Variants in PARPBP observed in about 807,000 individuals in gnomAD.
PARPBP encodes the protein PCNA-interacting partner.
Under a neutral mutation model 50.0 loss-of-function variants are expected in PARPBP, and 52 were observed. The ratio of observed to expected loss-of-function variants is 1.04; its 90% CI spans 0.83 to 1.31. The LOEUF is 1.31. PARPBP is among the 50% of genes most tolerant of loss of function. The pLI is 0.00. For synonymous variants in PARPBP, 244 were observed against 232.1 expected, an observed-to-expected ratio of 1.05 and a Z score of -0.47; for missense variants, 697 against 672.0, an observed-to-expected ratio of 1.04 and a Z score of -0.41.
At chr12:102,131,145 T>C (rs1391622204) in intron 2 of PARPBP, among the ~76,000 whole-genome samples, 1 of 152,076 alleles carries the variant, frequency 6.6e-6, no homozygotes, top group East Asian at 1.9e-4. Flanking sequence ...GCCAACATGG[T>C]GAAACCCCAT....
intron 6 of PARPBP, among the ~76,000 whole-genome samples, chr12:102,169,337 T>A (rs1011165569): frequency 1.3e-5 from 2 of 152,140 alleles, no homozygotes; most frequent in Non-Finnish European, 2.9e-5. Flanking sequence ...AATTCGAACC[T>A]CTTTCCTGAG....
chr12:102,165,630 C>A, intron 5 of PARPBP, 99 bp from the exon 6 acceptor site: 2 of 930,030 alleles, frequency 2.2e-6, no homozygotes, highest in South Asian at 1.5e-5. Flanking sequence ...TCACTTTTAA[C>A]TGTATACCCA....
rs576119191 is a variant in PARPBP, at chr12:102,158,583, A to T, written c.495+4607A>T. 9.9e-5 allele frequency among the ~76,000 whole-genome samples: 15 copies of T among 151,976 alleles called. 1 individual carries two copies. The highest frequency in any genetic ancestry group is 7.8e-4 in the East Asian group (4 of 5,132). ...ACCTGGTTCCTTTTAGAGATTTGTA[A>T]CTATTTTCTCTTGCTTGAAATTAAT... On this transcript the variant is annotated intron_variant, in intron 4 of 10. Transcript: ENST00000327680.
chr12:102,156,277 C>A (rs1594542197), intron 4 of PARPBP, among the ~76,000 whole-genome samples: 2 of 149,202 alleles, frequency 1.3e-5, no homozygotes, highest in East Asian at 3.9e-4. Context: ...AGCTCCGCCT[C>A]CCGTGTTCAT....
At chr12:102,134,716 C>T (rs369062144) in intron 2 of PARPBP, among the ~76,000 whole-genome samples, 74 of 152,254 alleles carry the variant, frequency 4.9e-4, no homozygotes, top group African/African-American at 1.6e-3. Flanking sequence ...CTCACTCTGT[C>T]GCCCAGGCTG....
chr12:102,155,944 C>T (rs935274941), intron 4 of PARPBP, among the ~76,000 whole-genome samples: 9 of 152,128 alleles, frequency 5.9e-5, no homozygotes, highest in South Asian at 2.1e-4. Context: ...GAACACTAGT[C>T]GCTGGGTTCC....
Position 102,195,198 on chromosome 12 carries a change from G to C in PARPBP, c.1264-114G>C, listed in dbSNP as rs1239382414. The stretch of plus-strand genomic sequence containing the variant: ...AGAGAGAGGTTCTCAATGAGTAATA[G>C]AATTTCTAAGGGAAATTTTTATACC... On this transcript the variant is annotated intron_variant, in intron 9 of 10. Coordinates refer to ENST00000327680, the MANE Select transcript of PARPBP (RefSeq NM_017915.5). 8.5e-6 allele frequency: 5 copies of C among 585,942 alleles called. No individual in the cohort carries two copies. In the African/African-American group the frequency reaches 9.7e-5, roughly 11 times the overall value. The allele number at this position is 585,942 out of a possible 1,614,324, so 36.3% of individuals were successfully genotyped here.
At chr12:102,138,452 G>GACA in intron 2 of PARPBP, among the ~76,000 whole-genome samples, 3 of 152,084 alleles carry the variant, frequency 2.0e-5, no homozygotes, top group African/African-American at 7.2e-5. Flanking sequence ...CCATTCTGTA[G>GACA]GTTGCCTGTT....
At chr12:102,174,219 T>C (rs1349933247) in intron 6 of PARPBP, among the ~76,000 whole-genome samples, 1 of 152,046 alleles carries the variant, frequency 6.6e-6, no homozygotes, top group East Asian at 1.9e-4. Flanking sequence ...ATGCAAACAT[T>C]TAGTGCTCTT....
intron 2 of PARPBP, among the ~76,000 whole-genome samples, chr12:102,137,733 C>G (rs1334804535): frequency 6.6e-6 from 1 of 151,988 alleles, no homozygotes; most frequent in Non-Finnish European, 1.5e-5. Context: ...CAGTTCCCAC[C>G]TATGAGTCAG....
intron 9 of PARPBP, among the ~76,000 whole-genome samples, chr12:102,193,950 A>G (rs562374833): frequency 6.6e-6 from 1 of 152,172 alleles, no homozygotes; most frequent in African/African-American, 2.4e-5. Context: ...AATGGAAGAT[A>G]AAACTCCAAT....
intron 5 of PARPBP, 141 bp from the exon 6 acceptor site, chr12:102,165,588 C>A (rs1043424199): frequency 4.7e-6 from 3 of 636,394 alleles, no homozygotes; most frequent in Non-Finnish European, 8.1e-6. Flanking sequence ...TTACTTCTGA[C>A]TCAAAGTGTG....
In PARPBP at chr12:102,165,850, T is replaced by C. The variant is rs201076113; in HGVS notation, c.788T>C (p.Leu263Ser). 4.4e-6 allele frequency: 7 copies of C among 1,574,696 alleles called. No individual in the cohort carries two copies. The highest frequency in any genetic ancestry group is 6.1e-6 in the Non-Finnish European group (7 of 1,146,900). The change falls in exon 6 of 11, where the codon TTA becomes TCA. Residue 263 changes from leucine (L) to serine (S), a missense_variant. By Grantham distance (145) the Leu-to-Ser change is moderately radical (BLOSUM62 -2). Coordinates refer to ENST00000327680, the MANE Select transcript of PARPBP (RefSeq NM_017915.5). ...AATTTTATTAATTTCATTGACAAATTAGATGAGATTCTTGGAGAAATACCA... is the reference window on the plus strand; with the variant it reads ...AATTTTATTAATTTCATTGACAAATCAGATGAGATTCTTGGAGAAATACCA... The part of the protein sequence containing the change: ...LSNFINFIDK[L>S]DEILGEIPNP...
At chr12:102,165,555 A>G (rs549049219) in intron 5 of PARPBP, among the ~76,000 whole-genome samples, 174 bp from the exon 6 acceptor site, 1 of 152,262 alleles carries the variant, frequency 6.6e-6, no homozygotes, top group African/African-American at 2.4e-5. Context: ...TGAATTCTGC[A>G]TGGCATTTGT....
In PARPBP at chr12:102,185,700, C is replaced by T. The variant is rs118048195; in HGVS notation, c.1263+3073C>T. Among the ~76,000 whole-genome samples, 18 of 152,210 alleles carry T rather than the reference C, an allele frequency of 1.2e-4. No homozygotes were observed. In the East Asian group the frequency reaches 3.3e-3, roughly 28 times the overall value. On this transcript the variant is annotated intron_variant, in intron 9 of 10. Coordinates refer to ENST00000327680, the MANE Select transcript of PARPBP (RefSeq NM_017915.5). ...TTGAGATGGAGTCTCAGTTTCTCAACCAGGCTGGAGTACAGTGGCGTGATC... is the reference window on the plus strand; with the variant it reads ...TTGAGATGGAGTCTCAGTTTCTCAATCAGGCTGGAGTACAGTGGCGTGATC...
chr12:102,128,631 C>T (rs1166728609), intron 2 of PARPBP, among the ~76,000 whole-genome samples: 2 of 152,166 alleles, frequency 1.3e-5, no homozygotes, highest in Non-Finnish European at 2.9e-5. Context: ...TTTCCAGGTA[C>T]ATCCATGTTG....
rs1891376083 is a variant in PARPBP, at chr12:102,197,078, GGAAAGCTACA to G, written c.*790_*799del. On this transcript the variant is annotated 3_prime_UTR_variant, in exon 11 of 11. Transcript: ENST00000327680. ...GTATTCTGAACTCCATTCTCAGCTG[GGAAAGCTACA>G]GATCCTTTTAGTGCAAGATAAGGTT... is the stretch of plus-strand genomic sequence containing the variant. 1 of 1,611,994 alleles carries G rather than the reference GGAAAGCTACA, an allele frequency of 6.2e-7. No homozygotes were observed. Among genetic ancestry groups the G allele is most frequent in the South Asian group, 1.1e-5 (1 of 91,038 alleles).
chr12:102,145,811 T>G (rs1885264652), intron 2 of PARPBP, among the ~76,000 whole-genome samples: 1 of 152,222 alleles, frequency 6.6e-6, no homozygotes, highest in Non-Finnish European at 1.5e-5. Flanking sequence ...ACTTGTTTGT[T>G]ACAGTTTCAT....
chr12:102,167,042 C>T (rs946757815), intron 6 of PARPBP, among the ~76,000 whole-genome samples: 139 of 151,986 alleles, frequency 9.1e-4, no homozygotes, highest in Admixed American at 2.0e-3. Context: ...CAGTTTTTTG[C>T]CCTTGAAGAT....
Sources: gnomAD v4.1 joint callset for allele counts (sites outside exome capture counted in the v4.1 genomes callset) on GRCh38, gnomAD v4.1.1 for gene constraint, MANE v1.5 for transcripts, NCBI Gene and HGNC (gene_info 2026-07-23, HGNC 2026-07-21) for gene names.